CENPQ: variants seen among roughly 807,000 people sequenced by gnomAD.
CENPQ encodes the protein centromere protein Q.
In CENPQ, 27 loss-of-function variants were observed where a neutral mutation model predicts 36.6. The ratio of observed to expected loss-of-function variants is 0.74; its 90% CI spans 0.54 to 1.02. CENPQ has a LOEUF of 1.02. Among genes scored for constraint, CENPQ ranks in the 50% least tolerant of loss-of-function variants. The probability of loss-of-function intolerance (pLI) is 0.00; values close to 1 mark genes in which losing one functional copy is unlikely to be tolerated. For synonymous variants in CENPQ, 101 were observed against 101.7 expected (o/e 0.99, Z 0.04); for missense variants, 306 against 301.8 (o/e 1.01, Z -0.10).
At chr6:49,473,063 A>C (rs1440105278) in intron 5 of CENPQ, among the ~76,000 whole-genome samples, 1 of 152,094 alleles carries the variant, frequency 6.6e-6, no homozygotes. Context: ...TACAAAAAAA[A>C]CCCTGAAAAT....
intron 8 of CENPQ, among the ~76,000 whole-genome samples, chr6:49,489,636 A>T (rs1360602001): frequency 6.6e-6 from 1 of 152,214 alleles, no homozygotes; most frequent in African/African-American, 2.4e-5. Flanking sequence ...CAGAGAAATC[A>T]CTACCTAGGG....
At chr6:49,468,998 G>C (rs1475552328) in intron 1 of CENPQ, among the ~76,000 whole-genome samples, 1 of 152,166 alleles carries the variant, frequency 6.6e-6, no homozygotes, top group Non-Finnish European at 1.5e-5. Context: ...ACAAGATAGA[G>C]AATGAGTGTT....
chr6:49,463,852 T>C (rs1283356038), intron 1 of CENPQ, among the ~76,000 whole-genome samples: 7 of 152,192 alleles, frequency 4.6e-5, no homozygotes, highest in African/African-American at 1.4e-4. Context: ...AACAAGCTGG[T>C]AAGAAAAACA....
At chr6:49,467,850 T>G (rs777836438) in intron 1 of CENPQ, among the ~76,000 whole-genome samples, 1 of 151,996 alleles carries the variant, frequency 6.6e-6, no homozygotes, top group Non-Finnish European at 1.5e-5. Context: ...TCTGAGAGGG[T>G]GGGCAGAGAC....
intron 6 of CENPQ, among the ~76,000 whole-genome samples, chr6:49,483,241 G>A (rs1402437415): frequency 2.6e-5 from 4 of 152,118 alleles, no homozygotes; most frequent in Non-Finnish European, 2.9e-5. Flanking sequence ...GGTGCTGATT[G>A]GTGTGTTTAC....
intron 6 of CENPQ, among the ~76,000 whole-genome samples, chr6:49,485,458 T>C (rs1000602155): frequency 1.3e-5 from 2 of 152,016 alleles, no homozygotes; most frequent in African/African-American, 4.8e-5. Context: ...TAAGAAAATA[T>C]GACAATAAAG....
chr6:49,484,641 A>G (rs1038341747), intron 6 of CENPQ, among the ~76,000 whole-genome samples: 4 of 152,238 alleles, frequency 2.6e-5, no homozygotes, highest in East Asian at 1.9e-4. Context: ...AAAGGTAACA[A>G]TTCATTCCCA....
At chr6:49,485,656 A>G (rs541933613) in intron 6 of CENPQ, among the ~76,000 whole-genome samples, 16 of 152,302 alleles carry the variant, frequency 1.1e-4, no homozygotes, top group African/African-American at 3.6e-4. Flanking sequence ...TCAAGAATGA[A>G]TGAGACATAA....
At position 49,470,960 on chromosome 6, in the gene CENPQ, GT is replaced by G; in HGVS notation, c.103-9del. The G allele has an allele frequency of 5.5e-6, 8 of 1,454,654 alleles. No individual in the cohort carries two copies. The highest frequency in any genetic ancestry group is 2.4e-5 in the East Asian group (1 of 41,602). 90.1% of individuals were successfully genotyped at this position (1,454,654 alleles called of 1,614,324 possible). A position where few individuals can be genotyped will look rare whatever the true frequency, so the allele number is the denominator to read the frequency against. On this transcript the variant is annotated splice_polypyrimidine_tract_variant and intron_variant, in intron 2 of 8. Coordinates refer to ENST00000335783, the MANE Select transcript of CENPQ (RefSeq NM_018132.4). ...TAATTCTGTTTATGTTTATGCATGT[GT>G]TTTTCCCTCTAGGTTAGAAACACAG... is the stretch of plus-strand genomic sequence containing the variant.
chr6:49,488,436 A>C lies in CENPQ; in HGVS notation c.562A>C (p.Ser188Arg). The C allele has an allele frequency of 6.2e-7, 1 of 1,613,244 alleles. No homozygotes were observed. Among genetic ancestry groups the C allele is most frequent in the Non-Finnish European group, 8.5e-7 (1 of 1,179,342 alleles). ...SLKNKIQILA[S>R]EVEEEEERVK... ...AAAGAACAAAATTCAGATTCTGGCA[A>C]GTGAGGTGGAAGAAGAAGAGGAGAG... Residue 188 changes from serine (S) to arginine (R), a missense_variant, in exon 7 of 9, where the codon AGT (serine) becomes CGT (arginine). By Grantham distance (110) the Ser-to-Arg change is moderately radical. Coordinates refer to ENST00000335783, the MANE Select transcript of CENPQ (RefSeq NM_018132.4).
At chr6:49,482,318 A>C (rs971464523) in intron 6 of CENPQ, among the ~76,000 whole-genome samples, 1 of 152,190 alleles carries the variant, frequency 6.6e-6, no homozygotes, top group African/African-American at 2.4e-5. Flanking sequence ...CCAAAGTGGG[A>C]GCCCAGGCAG....
intron 6 of CENPQ, among the ~76,000 whole-genome samples, chr6:49,482,665 G>C (rs1768468007): frequency 6.6e-6 from 1 of 152,004 alleles, no homozygotes; most frequent in African/African-American, 2.4e-5. Flanking sequence ...CTCGGCGATT[G>C]GCGATGGTCT....
chr6:49,472,234 T>C, intron 4 of CENPQ, 51 bp downstream of exon 4: 3 of 1,432,598 alleles, frequency 2.1e-6, no homozygotes, highest in South Asian at 1.4e-5. Flanking sequence ...TTTAGGTGTT[T>C]CCTATGGATA....
intron 5 of CENPQ, among the ~76,000 whole-genome samples, chr6:49,475,049 C>A (rs552429472): frequency 6.6e-6 from 1 of 152,178 alleles, no homozygotes; most frequent in African/African-American, 2.4e-5. Flanking sequence ...CAGGACCAGA[C>A]AGATTCACAG....
intron 6 of CENPQ, among the ~76,000 whole-genome samples, chr6:49,482,759 C>T (rs922849966): frequency 6.6e-6 from 1 of 152,068 alleles, no homozygotes; most frequent in African/African-American, 2.4e-5. Flanking sequence ...TTGGTGGGTT[C>T]TTGGTCTCAC....
rs150665355 is a variant in CENPQ, at chr6:49,487,885, G to C, written c.478-467G>C. On this transcript the variant is annotated intron_variant, in intron 6 of 8. Transcript: ENST00000335783. The stretch of plus-strand genomic sequence containing the variant: ...GTTACTCTTTTTTTTTATTCTCCCT[G>C]CTCTAATGCCCAACATTACTTCCTT... Among the ~76,000 whole-genome samples the C allele has an allele frequency of 6.8e-3, 1,036 of 151,634 alleles. 11 individuals carry two copies. The highest frequency in any genetic ancestry group is 0.022 in the African/African-American group (913 of 41,328).
At chr6:49,471,638 A>T (rs1296768770) in intron 3 of CENPQ, among the ~76,000 whole-genome samples, 2 of 152,012 alleles carry the variant, frequency 1.3e-5, no homozygotes, top group Non-Finnish European at 2.9e-5. Flanking sequence ...TTAATACCTA[A>T]TAAGTAGAAC....
At chr6:49,463,679 C>G (rs59275670) in intron 1 of CENPQ, among the ~76,000 whole-genome samples, 1 of 152,130 alleles carries the variant, frequency 6.6e-6, no homozygotes, top group Non-Finnish European at 1.5e-5. Flanking sequence ...CTATTTCTCC[C>G]GAATCATCCT....
Position 49,472,201 on chromosome 6 carries a change from C to G in CENPQ, c.278+18C>G. ...GTAATAATGTGAGTATAAAATTGTT[C>G]CATTTCATTCTTTTGGTTCCCATTT... On this transcript the variant is annotated intron_variant, in intron 4 of 8. Transcript: ENST00000335783. The G allele has an allele frequency of 1.3e-6, 2 of 1,573,406 alleles. No homozygotes were observed. The highest frequency in any genetic ancestry group is 1.8e-5 in the Admixed American group (1 of 54,236).
Sources: gnomAD v4.1 joint callset for allele counts (sites outside exome capture counted in the v4.1 genomes callset) on GRCh38, gnomAD v4.1.1 for gene constraint, MANE v1.5 for transcripts, NCBI Gene and HGNC (gene_info 2026-07-23, HGNC 2026-07-21) for gene names.